The following CNTN5 variants were observed in gnomAD, a reference collection of about 807,000 sequenced individuals.
CNTN5 encodes contactin 5, also known as contactin-5.
Under a neutral mutation model 129.1 loss-of-function variants are expected in CNTN5, and 77 were observed. The ratio of observed to expected loss-of-function variants is 0.60; its 90% CI spans 0.50 to 0.72. The LOEUF is 0.72. Ranked by LOEUF, CNTN5 falls within the 30% of genes least tolerant of loss-of-function variation. CNTN5 has a pLI of 0.00. For missense variants in CNTN5, 1,478 were observed against 1,328.8 expected (o/e 1.11, Z -1.75); for synonymous variants, 509 against 465.6 (o/e 1.09, Z -1.20).
chr11:99,918,193 C>G (rs189149930), intron 7 of CNTN5, among the ~76,000 whole-genome samples: 3 of 152,212 alleles, frequency 2.0e-5, no homozygotes, highest in Non-Finnish European at 4.4e-5. Context: ...TTCTTTTATA[C>G]AGCTTCAATT....
intron 1 of CNTN5, among the ~76,000 whole-genome samples, chr11:99,173,441 A>C (rs917148254): frequency 6.6e-6 from 1 of 152,216 alleles, no homozygotes. Context: ...AGACTTCTCT[A>C]TATGTTCCAC....
At chr11:99,160,074 A>G (rs1435384783) in intron 1 of CNTN5, among the ~76,000 whole-genome samples, 1 of 152,210 alleles carries the variant, frequency 6.6e-6, no homozygotes, top group Non-Finnish European at 1.5e-5. Context: ...TACACAATTA[A>G]ATATAATATT....
chr11:99,726,832 T>C (rs1048890046), intron 3 of CNTN5, among the ~76,000 whole-genome samples: 2 of 152,170 alleles, frequency 1.3e-5, no homozygotes, highest in Admixed American at 6.5e-5. Context: ...TCTTTAAGTA[T>C]AGTGCTTTTC....
chr11:99,725,807 A>AT lies in CNTN5; in HGVS notation c.56-93734dup, dbSNP rs1320516528. Reference sequence around the variant, plus strand: ...GCCATTTTGAATGGTCCAGTGGTAAATTTGTACCAGCTTTATTAAACACAA... The same window carrying AT: ...GCCATTTTGAATGGTCCAGTGGTAAATTTTGTACCAGCTTTATTAAACACAA... On this transcript the variant is annotated intron_variant, in intron 3 of 24. Coordinates refer to ENST00000524871, the MANE Select transcript of CNTN5 (RefSeq NM_014361.4). Among the ~76,000 whole-genome samples, 3 of 152,188 alleles carry AT rather than the reference A, an allele frequency of 2.0e-5. No individual in the cohort carries two copies. The East Asian group carries it at 5.8e-4, about 29-fold the overall frequency.
At position 99,382,867 on chromosome 11, in the gene CNTN5, T is replaced by TTTA. The variant is rs1260313684; in HGVS notation, c.-71+57385_-71+57386insATT. ...TAACTTTTTTTTTTTTTTTTTTTTT[T>TTTA]TTTTTTTTAGACAGAGTCTCGCTCT... On this transcript the variant is annotated intron_variant, in intron 2 of 24. Coordinates refer to ENST00000524871, the MANE Select transcript of CNTN5 (RefSeq NM_014361.4). Among the ~76,000 whole-genome samples the TTTA allele has an allele frequency of 9.6e-5, 12 of 124,490 alleles. 1 individual carries two copies. 81.7% of individuals were successfully genotyped at this position (124,490 alleles called of 152,430 possible).
At chr11:99,128,866 G>A (rs928724878) in intron 1 of CNTN5, among the ~76,000 whole-genome samples, 2 of 152,204 alleles carry the variant, frequency 1.3e-5, no homozygotes, top group Non-Finnish European at 2.9e-5. Context: ...CAGACCTGCA[G>A]AGGAGGACCG....
chr11:99,881,261 A>C (rs751116384), intron 6 of CNTN5, among the ~76,000 whole-genome samples: 1 of 152,220 alleles, frequency 6.6e-6, no homozygotes, highest in African/African-American at 2.4e-5. Context: ...ACCACAGTAC[A>C]TGGTTTCACA....
intron 3 of CNTN5, among the ~76,000 whole-genome samples, chr11:99,703,808 A>T (rs539677539): frequency 6.6e-6 from 1 of 151,138 alleles, no homozygotes; most frequent in African/African-American, 2.4e-5. Flanking sequence ...GAGTAACTCT[A>T]CTGGATCTCA....
At chr11:99,909,190 T>C (rs1949588794) in intron 6 of CNTN5, among the ~76,000 whole-genome samples, 1 of 152,136 alleles carries the variant, frequency 6.6e-6, no homozygotes, top group Non-Finnish European at 1.5e-5. Flanking sequence ...TGATATGTTG[T>C]CCCATTCATA....
intron 3 of CNTN5, among the ~76,000 whole-genome samples, chr11:99,639,916 C>G (rs1346824789): frequency 6.6e-6 from 1 of 152,020 alleles, no homozygotes; most frequent in Non-Finnish European, 1.5e-5. Context: ...GCCAGATACC[C>G]TAAATCATCT....
intron 13 of CNTN5, among the ~76,000 whole-genome samples, chr11:100,090,096 C>T (rs1389488236): frequency 1.3e-5 from 2 of 151,966 alleles, no homozygotes; most frequent in Non-Finnish European, 2.9e-5. Flanking sequence ...GAATTAAAAA[C>T]AAAAACCATA....
intron 17 of CNTN5, among the ~76,000 whole-genome samples, chr11:100,261,307 C>A (rs779962179): frequency 2.0e-4 from 31 of 152,202 alleles, no homozygotes; most frequent in Non-Finnish European, 4.3e-4. Context: ...AGGACACAAA[C>A]AAATGGAAAA....
chr11:100,063,706 T>TAAAAA (rs35896237), intron 10 of CNTN5, among the ~76,000 whole-genome samples: 125 of 115,258 alleles, frequency 1.1e-3, no homozygotes, highest in Non-Finnish European at 1.8e-3. Flanking sequence ...AACCTGTCTC[T>TAAAAA]AAAAAAAAAA....
Position 99,629,846 on chromosome 11 carries a change from A to G in CNTN5, c.55+73577A>G, listed in dbSNP as rs149095148. Among the ~76,000 whole-genome samples, 215 of 151,944 alleles carry G rather than the reference A, an allele frequency of 1.4e-3. 1 individual carries two copies. The highest frequency in any genetic ancestry group is 4.8e-3 in the African/African-American group (201 of 41,532). Reference sequence around the variant, plus strand: ...AGACTGATTTGTATTATATTTTAATATGGTAATATTTGATATAAAATATAA... The same window carrying G: ...AGACTGATTTGTATTATATTTTAATGTGGTAATATTTGATATAAAATATAA... On this transcript the variant is annotated intron_variant, in intron 3 of 24. Coordinates refer to ENST00000524871, the MANE Select transcript of CNTN5 (RefSeq NM_014361.4).
intron 3 of CNTN5, among the ~76,000 whole-genome samples, chr11:99,778,566 G>A (rs531914998): frequency 6.6e-6 from 1 of 151,648 alleles, no homozygotes; most frequent in South Asian, 2.1e-4. Flanking sequence ...GTTGAATCCT[G>A]TCTAAATAAA....
chr11:99,099,674 G>A (rs1181311385), intron 1 of CNTN5, among the ~76,000 whole-genome samples: 2 of 152,048 alleles, frequency 1.3e-5, no homozygotes, highest in Non-Finnish European at 2.9e-5. Context: ...GTTGCCTTGA[G>A]ACCCTTACTT....
At chr11:99,078,623 A>G (rs1026968061) in intron 1 of CNTN5, among the ~76,000 whole-genome samples, 26 of 152,226 alleles carry the variant, frequency 1.7e-4, no homozygotes, top group Non-Finnish European at 2.6e-4. Flanking sequence ...AAAGGTTAAC[A>G]TTCTGTCATT....
At chr11:99,553,979 C>CACACACACATACAT (rs1555025629) in intron 2 of CNTN5, among the ~76,000 whole-genome samples, 1 of 145,556 alleles carries the variant, frequency 6.9e-6, no homozygotes, top group East Asian at 2.2e-4. Flanking sequence ...CACACACACA[C>CACACACACATACAT]ACACACACAC....
intron 20 of CNTN5, among the ~76,000 whole-genome samples, chr11:100,304,586 C>A (rs1429989383): frequency 6.6e-6 from 1 of 151,394 alleles, no homozygotes; most frequent in Non-Finnish European, 1.5e-5. Flanking sequence ...CTAGAAATAG[C>A]CCAAATGGGG....
Sources: allele counts gnomAD v4.1 joint callset (sites outside exome capture counted in the v4.1 genomes callset), GRCh38; gene constraint gnomAD v4.1.1; transcripts MANE v1.5; gene names NCBI Gene and HGNC (gene_info 2026-07-23, HGNC 2026-07-21).